TSC22D1: variants seen among roughly 807,000 people sequenced by gnomAD.
TSC22D1 encodes the protein TSC22 domain family member 1.
A neutral mutation model predicts 74.2 loss-of-function variants in TSC22D1; 9 were observed. The ratio of observed to expected loss-of-function variants is 0.12; its 90% CI spans 0.07 to 0.21. The LOEUF is 0.21. Ranked by LOEUF, TSC22D1 falls within the 10% of genes least tolerant of loss-of-function variation. The probability of loss-of-function intolerance (pLI) is 1.00; values close to 1 mark genes in which losing one functional copy is unlikely to be tolerated. For missense variants in TSC22D1, 1,427 were observed against 1,304.7 expected (o/e 1.09, Z -1.44); for synonymous variants, 586 against 492.5 (o/e 1.19, Z -2.51).
At chr13:44,487,522 A>AAAAAAAAG (rs1878497347) in intron 1 of TSC22D1, among the ~76,000 whole-genome samples, 1 of 148,426 alleles carries the variant, frequency 6.7e-6, no homozygotes, top group African/African-American at 2.5e-5. Context: ...AAAAAAAAAA[A>AAAAAAAAG]AAAAAGAAAA....
chr13:44,559,147 G>C (rs980981617), intron 1 of TSC22D1, among the ~76,000 whole-genome samples: 4 of 152,124 alleles, frequency 2.6e-5, no homozygotes, highest in African/African-American at 9.7e-5. Flanking sequence ...CTCCATGTTT[G>C]ACTCTCAAAG....
chr13:44,558,497 T>C (rs1037452887), intron 1 of TSC22D1, among the ~76,000 whole-genome samples: 1 of 152,154 alleles, frequency 6.6e-6, no homozygotes, highest in East Asian at 1.9e-4. Context: ...CCCAGCACTT[T>C]GGGAGGCTGA....
At chr13:44,507,757 C>T (rs1274162485) in intron 1 of TSC22D1, among the ~76,000 whole-genome samples, 1 of 152,180 alleles carries the variant, frequency 6.6e-6, no homozygotes, top group African/African-American at 2.4e-5. Context: ...GCCTCAATCC[C>T]TTCAGTTTTG....
At chr13:44,566,404 T>C (rs1883376997) in intron 1 of TSC22D1, among the ~76,000 whole-genome samples, 2 of 152,222 alleles carry the variant, frequency 1.3e-5, no homozygotes, top group African/African-American at 4.8e-5. Context: ...TTAAATATGG[T>C]AGACATTAAC....
chr13:44,573,411 T>C lies in TSC22D1; in HGVS notation c.2664A>G (p.Gln888=), dbSNP rs1413161141. 6.2e-7 allele frequency: 1 copy of C among 1,614,248 alleles called. No homozygotes were observed. Residue 888 remains glutamine (Q), a synonymous_variant, in exon 1 of 3, where the codon CAA becomes CAG. Coordinates refer to ENST00000458659, the MANE Select transcript of TSC22D1 (RefSeq NM_183422.4). The stretch of plus-strand genomic sequence containing the variant: ...ACTGGGTAGAACTTAGTGGTATCTG[T>C]TGTGCCAAAGGCAAATTTGTATTAG... ...IATNTNLPLA[Q]QIPLSSTQFS...
rs201226877 is a variant in TSC22D1 at position 44,573,854 on chromosome 13, C to T, written c.2221G>A (p.Ala741Thr). 7.7e-5 allele frequency: 125 copies of T among 1,614,210 alleles called. No homozygotes were observed. The highest frequency in any genetic ancestry group is 9.7e-5 in the Non-Finnish European group (115 of 1,180,030). Reference sequence around the variant, plus strand: ...ACCTGGGTAGAGGGCTGCTGCACTGCAGTAGGTATGTTTGCTTGCTGACCA... The same window carrying T: ...ACCTGGGTAGAGGGCTGCTGCACTGTAGTAGGTATGTTTGCTTGCTGACCA... ...NIGQQANIPT[A>T]VQQPSTQVPP... The change falls in exon 1 of 3, where the codon GCA becomes ACA. Residue 741 changes from alanine to threonine, a missense_variant. Transcript: ENST00000458659.
At position 44,512,903 on chromosome 13, in the gene TSC22D1, C is replaced by A. The variant is rs1879805872; in HGVS notation, c.2912+60260G>T. On this transcript the variant is annotated intron_variant, in intron 1 of 2. Transcript: ENST00000458659. ...GACCTTGTGATCTGCCTGCCTCGGC[C>A]TCCCAAAGTGCTGGGATTACAGGCG... is the stretch of plus-strand genomic sequence containing the variant. Among the ~76,000 whole-genome samples the A allele has an allele frequency of 3.3e-5, 5 of 152,208 alleles. No individual in the cohort carries two copies. The South Asian group carries it at 1.0e-3, about 32-fold the overall frequency.
At chr13:44,460,930 T>C (rs1855246051) in intron 1 of TSC22D1, among the ~76,000 whole-genome samples, 1 of 152,250 alleles carries the variant, frequency 6.6e-6, no homozygotes, top group Non-Finnish European at 1.5e-5. Context: ...TGGTTTTTCT[T>C]AGCAGTAGGA....
At chr13:44,576,599 G>A (rs1490201524), upstream of TSC22D1, 1 of 153,574 alleles carries the variant, frequency 6.5e-6, no homozygotes, top group Non-Finnish European at 1.4e-5. Context: ...CCCGAGCTCA[G>A]TGTCGCTCAA....
intron 1 of TSC22D1, among the ~76,000 whole-genome samples, chr13:44,531,992 C>T (rs926481424): frequency 1.3e-5 from 2 of 152,168 alleles, no homozygotes; most frequent in African/African-American, 4.8e-5. Context: ...ATACCAGTCA[C>T]ATAACAAGTG....
At chr13:44,489,562 A>T (rs1878606696) in intron 1 of TSC22D1, among the ~76,000 whole-genome samples, 1 of 151,962 alleles carries the variant, frequency 6.6e-6, no homozygotes, top group Admixed American at 6.5e-5. Flanking sequence ...ACACTGGCTC[A>T]TGCCTATAAT....
intron 1 of TSC22D1, among the ~76,000 whole-genome samples, chr13:44,555,449 T>C (rs1296432505): frequency 2.0e-5 from 3 of 151,864 alleles, no homozygotes; most frequent in Admixed American, 6.6e-5. Context: ...CTACTAAAAA[T>C]ACAAAAATAA....
At chr13:44,505,038 A>C (rs905948909) in intron 1 of TSC22D1, among the ~76,000 whole-genome samples, 5 of 152,180 alleles carry the variant, frequency 3.3e-5, no homozygotes, top group African/African-American at 1.2e-4. Flanking sequence ...CCTAATGTGA[A>C]TCGTAGTGCT....
intron 1 of TSC22D1, among the ~76,000 whole-genome samples, chr13:44,513,370 C>T (rs1490919736): frequency 6.6e-6 from 1 of 152,154 alleles, no homozygotes; most frequent in Non-Finnish European, 1.5e-5. Context: ...CTTTTCCAAA[C>T]ATATATAAAT....
At chr13:44,465,871 C>A (rs1249476990) in intron 1 of TSC22D1, among the ~76,000 whole-genome samples, 1 of 152,010 alleles carries the variant, frequency 6.6e-6, no homozygotes, top group Non-Finnish European at 1.5e-5. Flanking sequence ...CACTTGGGAG[C>A]CTGAAGCAGG....
intron 1 of TSC22D1, among the ~76,000 whole-genome samples, chr13:44,441,740 G>A (rs1875223438): frequency 6.6e-6 from 1 of 151,988 alleles, no homozygotes; most frequent in African/African-American, 2.4e-5. Flanking sequence ...TTTGCTTTTT[G>A]GGTATGTACA....
intron 1 of TSC22D1, 36 bp downstream of exon 1, chr13:44,573,127 C>A: frequency 6.3e-7 from 1 of 1,595,530 alleles, no homozygotes; most frequent in Non-Finnish European, 8.5e-7. Flanking sequence ...AACTTCAAAT[C>A]TGTTGAATGT....
rs190886607 is a variant in TSC22D1 at position 44,455,561 on chromosome 13, T to C, written c.2913-19466A>G. On this transcript the variant is annotated intron_variant, in intron 1 of 2. Transcript: ENST00000458659. Reference sequence around the variant, plus strand: ...CTTCAAGAATTATTTTGGGATGCTTTTCACTTTCCAATAAAAACTTTCCCT... The same window carrying C: ...CTTCAAGAATTATTTTGGGATGCTTCTCACTTTCCAATAAAAACTTTCCCT... Among the ~76,000 whole-genome samples, 26 of 152,348 alleles carry C rather than the reference T, an allele frequency of 1.7e-4. 1 individual carries two copies. The East Asian group carries it at 2.7e-3, about 16-fold the overall frequency.
chr13:44,453,893 G>A (rs1029180950), intron 1 of TSC22D1, among the ~76,000 whole-genome samples: 1 of 152,178 alleles, frequency 6.6e-6, no homozygotes, highest in Non-Finnish European at 1.5e-5. Flanking sequence ...GCATTGGTTT[G>A]AAGGTAAAGT....
Sources: gnomAD v4.1 joint callset for allele counts (sites outside exome capture counted in the v4.1 genomes callset) on GRCh38, gnomAD v4.1.1 for gene constraint, MANE v1.5 for transcripts, NCBI Gene and HGNC (gene_info 2026-07-23, HGNC 2026-07-21) for gene names.